FLCN: variants seen among roughly 807,000 people sequenced by gnomAD.
FLCN encodes folliculin, also known as BHD skin lesion fibrofolliculoma protein.
In FLCN, 22 loss-of-function variants were observed where a neutral mutation model predicts 62.5. The ratio of observed to expected loss-of-function variants is 0.35; its 90% CI spans 0.25 to 0.50. FLCN has a LOEUF of 0.50. FLCN is among the 20% of genes least tolerant of loss of function. The pLI, the probability that FLCN is intolerant of heterozygous loss-of-function variation, is 0.97. For synonymous variants in FLCN, 319 were observed against 310.0 expected (o/e 1.03, Z -0.30); for missense variants, 657 against 778.0 (o/e 0.84, Z 1.85).
rs766122649 is a variant in FLCN, at chr17:17,228,048, A to G, written c.90T>C (p.Pro30=). The G allele has an allele frequency of 6.2e-7, 1 of 1,613,730 alleles. No homozygotes were observed. The highest frequency in any genetic ancestry group is 8.5e-7 in the Non-Finnish European group (1 of 1,180,016). The change falls in exon 4 of 14, where the codon CCT becomes CCC. Residue 30 remains proline (P), a synonymous_variant. Coordinates refer to ENST00000285071, the MANE Select transcript of FLCN (RefSeq NM_144997.7). Reference sequence around the variant, plus strand: ...GACTGTCCTCATTCCCATCCCCTTGAGGAAGTGGGGCGTGCAGCACCTCCG... The same window carrying G: ...GACTGTCCTCATTCCCATCCCCTTGGGGAAGTGGGGCGTGCAGCACCTCCG... ...FCTEVLHAPL[P]QGDGNEDSPG... is the part of the protein sequence containing the mutation.
At chr17:17,217,634 C>A in intron 9 of FLCN, 1 of 309,798 alleles carries the variant, frequency 3.2e-6, no homozygotes, top group Non-Finnish European at 6.3e-6. Flanking sequence ...GCCGTGTGCA[C>A]AAGCCCAGGG....
In FLCN at chr17:17,228,096, G is replaced by A. The variant is rs766288960; in HGVS notation, c.42C>T (p.His14=). ...IVALCHFCEL[H]GPRTLFCTEV... ...CCGTGCAGAAGAGAGTGCGGGGGCC[G>A]TGGAGCTCGCAGAAGTGGCAGAGAG... The change falls in exon 4 of 14, where the codon CAC becomes CAT. Residue 14 remains histidine (H), a synonymous_variant. Transcript: ENST00000285071. 4.5e-5 allele frequency: 73 copies of A among 1,613,292 alleles called. No homozygotes were observed. The highest frequency in any genetic ancestry group is 5.3e-5 in the Non-Finnish European group (62 of 1,180,050).
rs777203555 is a variant in FLCN at position 17,213,604 on chromosome 17, G to C, written c.*51C>G. On this transcript the variant is annotated 3_prime_UTR_variant, in exon 14 of 14. Coordinates refer to ENST00000285071, the MANE Select transcript of FLCN (RefSeq NM_144997.7). Reference sequence around the variant, plus strand: ...AGGGACAGTCCCTCTCACGGGGCTGGAGGATCCTGTGGACAGCCATCCCTG... The same window carrying C: ...AGGGACAGTCCCTCTCACGGGGCTGCAGGATCCTGTGGACAGCCATCCCTG... The C allele has an allele frequency of 6.2e-7, 1 of 1,610,598 alleles. No individual in the cohort carries two copies. Among genetic ancestry groups the C allele is most frequent in the Admixed American group, 1.7e-5 (1 of 60,004 alleles).
chr17:17,219,149 G>A lies in FLCN; in HGVS notation c.932C>T (p.Pro311Leu), dbSNP rs916844425. The A allele has an allele frequency of 3.7e-6, 6 of 1,614,066 alleles. No homozygotes were observed. The African/African-American group carries it at 6.7e-5, about 18-fold the overall frequency. ...CCCTTCTGTACTCTCTGGCAACACA[G>A]GGGCTTTCTCCTCCTCTTCAGCCTC... ...NSEAEEEEKA[P>L]VLPESTEGRE... is the part of the protein sequence containing the mutation. The change falls in exon 9 of 14, where the codon CCT (proline) becomes CTT (leucine). Residue 311 changes from proline to leucine, a missense_variant. Pro to Leu is a moderately conservative substitution (Grantham distance 98). Coordinates refer to ENST00000285071, the MANE Select transcript of FLCN (RefSeq NM_144997.7).
chr17:17,221,618 C>G lies in FLCN; in HGVS notation c.790G>C (p.Ala264Pro). ...TTCTCGGTCAGCCGGCTGCCACACGCCTTCAGGAGCCTGGAGAACACAGCA... is the reference window on the plus strand; with the variant it reads ...TTCTCGGTCAGCCGGCTGCCACACGGCTTCAGGAGCCTGGAGAACACAGCA... ...LHTSFAWLLK[A>P]CGSRLTEKLL... The change falls in exon 8 of 14, where the codon GCG becomes CCG. Residue 264 changes from alanine (A) to proline (P), a missense_variant. By Grantham distance (27) the Ala-to-Pro change is conservative. Transcript: ENST00000285071. 6.2e-7 allele frequency: 1 copy of G among 1,608,084 alleles called. No homozygotes were observed. Among genetic ancestry groups the G allele is most frequent in the African/African-American group, 1.3e-5 (1 of 75,056 alleles).
chr17:17,230,725 C>CAA (rs758208758), intron 3 of FLCN, among the ~76,000 whole-genome samples: 7 of 66,064 alleles, frequency 1.1e-4, no homozygotes, highest in African/African-American at 1.7e-4. Flanking sequence ...GACTCCATCT[C>CAA]AAAAAAAAAA....
chr17:17,213,932 G>A (rs2046826977), intron 13 of FLCN, 76 bp from the exon 14 acceptor site: 1 of 1,508,372 alleles, frequency 6.6e-7, no homozygotes. Context: ...CCAACCAGGG[G>A]TGACACGGCT....
At chr17:17,233,716 C>CTTTT (rs34208211) in intron 1 of FLCN, among the ~76,000 whole-genome samples, 60 of 63,948 alleles carry the variant, frequency 9.4e-4, no homozygotes, top group African/African-American at 2.8e-3. Flanking sequence ...CCCATCTTTC[C>CTTTT]TTTTTTTTTT....
intron 1 of FLCN, among the ~76,000 whole-genome samples, chr17:17,233,441 C>G (rs1176948598): frequency 6.6e-6 from 1 of 150,924 alleles, no homozygotes; most frequent in Non-Finnish European, 1.5e-5. Context: ...ACTAAAAATA[C>G]AAAAAAAATC....
chr17:17,215,654 A>G (rs2046896650), intron 11 of FLCN, among the ~76,000 whole-genome samples: 1 of 152,224 alleles, frequency 6.6e-6, no homozygotes, highest in South Asian at 2.1e-4. Context: ...TGGAGACGTT[A>G]AATAACCTGC....
rs1456319670 is a variant in FLCN, at chr17:17,213,681, G to A, written c.1714C>T (p.Pro572Ser). 6.2e-7 allele frequency: 1 copy of A among 1,614,194 alleles called. No homozygotes were observed. Among genetic ancestry groups the A allele is most frequent in the Middle Eastern group, 1.6e-4 (1 of 6,062 alleles). ...CAGTTCCGAGACTCCGAGGCTGTGG[G>A]GCTGCGGACCGTGGACATGAGGTGT... ...KSHLMSTVRS[P>S]TASESRN is the part of the protein sequence containing the mutation. Residue 572 changes from proline to serine, a missense_variant, in exon 14 of 14, where the codon CCC (proline) becomes TCC (serine). Coordinates refer to ENST00000285071, the MANE Select transcript of FLCN (RefSeq NM_144997.7).
At chr17:17,217,340 G>A in intron 9 of FLCN, 158 bp from the exon 10 acceptor site, 4 of 677,928 alleles carry the variant, frequency 5.9e-6, no homozygotes, top group Admixed American at 4.2e-5. Flanking sequence ...GCCCGGCCCA[G>A]GGTTAAAGGG....
At chr17:17,229,918 G>T (rs1393502659) in intron 3 of FLCN, among the ~76,000 whole-genome samples, 3 of 152,226 alleles carry the variant, frequency 2.0e-5, no homozygotes, top group Admixed American at 1.3e-4. Context: ...GCCAGGGGCA[G>T]CTGCAGGCAC....
intron 1 of FLCN, among the ~76,000 whole-genome samples, chr17:17,233,441 C>CA (rs1408070342): frequency 6.6e-6 from 1 of 150,924 alleles, no homozygotes; most frequent in Non-Finnish European, 1.5e-5. Flanking sequence ...ACTAAAAATA[C>CA]AAAAAAAATC....
At chr17:17,217,684 A>G in intron 9 of FLCN, 1 of 281,816 alleles carries the variant, frequency 3.5e-6, no homozygotes, top group Non-Finnish European at 6.9e-6. Context: ...TGGATCCAGG[A>G]GATACTACAG....
In FLCN at chr17:17,227,962, C is replaced by T. The variant is rs374969279; in HGVS notation, c.176G>A (p.Arg59His). Reference protein sequence around the residue: ...EGGIQMNSRMRAHSPAEGASV... With the variant: ...EGGIQMNSRMHAHSPAEGASV... ...GGCCCCCTCTGCGGGGCTGTGCGCA[C>T]GCATCCGACTGTTCATCTGAATGCC... Residue 59 changes from arginine to histidine, a missense_variant, in exon 4 of 14, where the codon CGT (arginine) becomes CAT (histidine). By Grantham distance (29) the Arg-to-His change is conservative (BLOSUM62 0). Coordinates refer to ENST00000285071, the MANE Select transcript of FLCN (RefSeq NM_144997.7). 14 of 1,614,174 alleles carry T rather than the reference C, an allele frequency of 8.7e-6. No individual in the cohort carries two copies. Among genetic ancestry groups the T allele is most frequent in the South Asian group, 3.3e-5 (3 of 91,088 alleles).
intron 4 of FLCN, among the ~76,000 whole-genome samples, chr17:17,226,864 G>A (rs1231056483): frequency 6.6e-6 from 1 of 152,184 alleles, no homozygotes; most frequent in Admixed American, 6.5e-5. Flanking sequence ...CCGCTGCCCC[G>A]CTGCAGCCAC....
intron 3 of FLCN, among the ~76,000 whole-genome samples, chr17:17,230,024 G>A (rs1023170183): frequency 1.3e-5 from 2 of 152,190 alleles, no homozygotes; most frequent in African/African-American, 4.8e-5. Flanking sequence ...GCCAGAGAAG[G>A]CTTTAAAATG....
At position 17,224,070 on chromosome 17, in the gene FLCN, A is replaced by T. The variant is rs2144979795; in HGVS notation, c.470T>A (p.Phe157Tyr). 6.2e-7 allele frequency: 1 copy of T among 1,613,556 alleles called. No homozygotes were observed. The highest frequency in any genetic ancestry group is 1.3e-5 in the African/African-American group (1 of 75,058). ...QHGFVFSHTF[F>Y]IKDSLARGFQ... ...GCCCCTGGCCAGGCTGTCCTTGATGAAGAAGGTGTGGCTGAACACAAAGCC... is the reference window on the plus strand; with the variant it reads ...GCCCCTGGCCAGGCTGTCCTTGATGTAGAAGGTGTGGCTGAACACAAAGCC... Residue 157 changes from phenylalanine (F) to tyrosine (Y), a missense_variant, in exon 6 of 14, where the codon TTC becomes TAC. Coordinates refer to ENST00000285071, the MANE Select transcript of FLCN (RefSeq NM_144997.7).
Sources: allele counts gnomAD v4.1 joint callset (sites outside exome capture counted in the v4.1 genomes callset), GRCh38; gene constraint gnomAD v4.1.1; transcripts MANE v1.5; gene names NCBI Gene and HGNC (gene_info 2026-07-23, HGNC 2026-07-21).